NIPBL: variants seen among roughly 807,000 people sequenced by gnomAD.
NIPBL encodes NIPBL cohesin loading factor.
NIPBL carries 19 observed loss-of-function variants against 321.8 expected under a neutral mutation model. That is an observed-to-expected ratio of 0.06 (90% CI 0.04 to 0.09). NIPBL has a LOEUF of 0.09. Ranked by LOEUF, NIPBL falls within the 10% of genes least tolerant of loss-of-function variation. The probability of loss-of-function intolerance (pLI) is 1.00; values close to 1 mark genes in which losing one functional copy is unlikely to be tolerated. For synonymous variants in NIPBL, 1,106 were observed against 1,114.1 expected, an observed-to-expected ratio of 0.99 and a Z score of 0.14; for missense variants, 2,210 against 3,327.0, an observed-to-expected ratio of 0.66 and a Z score of 8.26.
At chr5:36,995,916 A>G (rs986876581) in intron 11 of NIPBL, 112 bp downstream of exon 11, 67 of 874,408 alleles carry the variant, frequency 7.7e-5, no homozygotes, top group Non-Finnish European at 1.8e-6. Context: ...TTAATTCTTA[A>G]TAACACAGTA....
intron 21 of NIPBL, 42 bp downstream of exon 21, chr5:37,010,267 A>C (rs778476094): frequency 7.1e-7 from 1 of 1,406,430 alleles, no homozygotes; most frequent in Non-Finnish European, 1.0e-6. Flanking sequence ...ACTTTTATTG[A>C]AGGAAATACC....
chr5:36,958,625 A>G (rs540426689), intron 4 of NIPBL, among the ~76,000 whole-genome samples: 1 of 152,310 alleles, frequency 6.6e-6, no homozygotes, highest in Non-Finnish European at 1.5e-5. Context: ...ATGGTTTTCT[A>G]GTAATTGATT....
chr5:37,017,583 T>A (rs1749136724), intron 24 of NIPBL, among the ~76,000 whole-genome samples: 1 of 151,304 alleles, frequency 6.6e-6, no homozygotes, highest in African/African-American at 2.4e-5. Flanking sequence ...AGAGTTTTCA[T>A]CTTGGGGGAA....
chr5:36,931,054 C>G (rs189811426), intron 1 of NIPBL, among the ~76,000 whole-genome samples: 2 of 152,226 alleles, frequency 1.3e-5, no homozygotes, highest in East Asian at 1.9e-4. Flanking sequence ...GAAATATTCT[C>G]TAGTTTATAA....
At chr5:36,922,878 T>G (rs1749054899) in intron 1 of NIPBL, among the ~76,000 whole-genome samples, 1 of 152,192 alleles carries the variant, frequency 6.6e-6, no homozygotes, top group South Asian at 2.1e-4. Flanking sequence ...GGTAACTGAT[T>G]TGAACTACAG....
intron 34 of NIPBL, among the ~76,000 whole-genome samples, chr5:37,042,899 G>GCACACACACACACA (rs70976273): frequency 2.1e-5 from 3 of 144,858 alleles, no homozygotes; most frequent in Non-Finnish European, 4.6e-5. Context: ...ACACACGCGC[G>GCACACACACACACA]CACACACACA....
At chr5:36,881,713 A>G (rs186093682) in intron 1 of NIPBL, among the ~76,000 whole-genome samples, 4 of 152,124 alleles carry the variant, frequency 2.6e-5, no homozygotes, top group Non-Finnish European at 4.4e-5. Context: ...ATACTTGCCC[A>G]GTCACTTAGT....
intron 29 of NIPBL, 130 bp downstream of exon 29, chr5:37,022,520 T>A: frequency 1.3e-6 from 1 of 777,878 alleles, no homozygotes; most frequent in South Asian, 2.1e-5. Flanking sequence ...ATTTATGAAC[T>A]ATTGCCACTT....
At chr5:36,922,505 A>G (rs1252383862) in intron 1 of NIPBL, among the ~76,000 whole-genome samples, 1 of 152,144 alleles carries the variant, frequency 6.6e-6, no homozygotes, top group Non-Finnish European at 1.5e-5. Flanking sequence ...ATTGTCGAGT[A>G]TTATACTTTT....
chr5:36,934,526 A>C (rs1561047249), intron 1 of NIPBL, among the ~76,000 whole-genome samples: 1 of 152,160 alleles, frequency 6.6e-6, no homozygotes, highest in Non-Finnish European at 1.5e-5. Context: ...TAACATAGAC[A>C]GTCCTTGATT....
At chr5:36,929,395 A>G (rs1165630056) in intron 1 of NIPBL, among the ~76,000 whole-genome samples, 1 of 151,972 alleles carries the variant, frequency 6.6e-6, no homozygotes, top group Non-Finnish European at 1.5e-5. Context: ...TTCTTTGCCC[A>G]TTTTCAAAGT....
chr5:36,998,741 T>C (rs1214034014), intron 11 of NIPBL, among the ~76,000 whole-genome samples: 1 of 152,098 alleles, frequency 6.6e-6, no homozygotes, highest in Admixed American at 6.6e-5. Flanking sequence ...AAAAAACATC[T>C]AAGGAATTAT....
chr5:36,941,846 A>G (rs1048541101), intron 1 of NIPBL, among the ~76,000 whole-genome samples: 2 of 152,202 alleles, frequency 1.3e-5, no homozygotes, highest in Admixed American at 6.5e-5. Flanking sequence ...CAGAAAGGAT[A>G]TAGTATTTGA....
At chr5:36,897,533 A>G (rs1326023680) in intron 1 of NIPBL, among the ~76,000 whole-genome samples, 2 of 152,148 alleles carry the variant, frequency 1.3e-5, no homozygotes. Flanking sequence ...GAAATTTCTT[A>G]TTTTCTCAAT....
chr5:37,020,789 C>G lies in NIPBL; in HGVS notation c.5240C>G (p.Thr1747Ser). The G allele has an allele frequency of 6.2e-7, 1 of 1,613,968 alleles. No homozygotes were observed. The highest frequency in any genetic ancestry group is 8.5e-7 in the Non-Finnish European group (1 of 1,179,854). The change falls in exon 27 of 47, where the codon ACT becomes AGT. Residue 1747 changes from threonine (T) to serine (S), a missense_variant. Thr to Ser is a moderately conservative substitution (Grantham distance 58). Coordinates refer to ENST00000282516, the MANE Select transcript of NIPBL (RefSeq NM_133433.4). ...QFSTLKMNSD[T>S]VDYDDACLIV... ...TTTTGTTGCAGGATGAACTCTGATA[C>G]TGTGGACTATGATGATGCTTGCTTG...
At chr5:36,991,592 G>GT (rs1745521411) in intron 10 of NIPBL, among the ~76,000 whole-genome samples, 1 of 151,924 alleles carries the variant, frequency 6.6e-6, no homozygotes, top group South Asian at 2.1e-4. Context: ...CTTACATAAT[G>GT]AGTAGTAAAT....
Position 37,006,396 on chromosome 5 carries a change from C to A in NIPBL, c.3895C>A (p.Leu1299Ile). Residue 1299 changes from leucine to isoleucine, a missense_variant, in exon 17 of 47, where the codon CTT becomes ATT. By Grantham distance (5) the Leu-to-Ile change is conservative. Around this residue, in one of 14 missense-constraint regions of NIPBL, gnomAD observed 381 missense variants for 642.3 expected, o/e 0.59. Transcript: ENST00000282516. ...AGAAGAAGAAAGGTTATGGAGAGACCTTATTATGGAGAGAGTTACAAAATC... is the reference window on the plus strand; with the variant it reads ...AGAAGAAGAAAGGTTATGGAGAGACATTATTATGGAGAGAGTTACAAAATC... ...TEEEERLWRD[L>I]IMERVTKSAD... 6.2e-7 allele frequency: 1 copy of A among 1,610,360 alleles called. No individual in the cohort carries two copies. Among genetic ancestry groups the A allele is most frequent in the South Asian group, 1.1e-5 (1 of 91,002 alleles).
At chr5:37,018,106 A>G (rs1749197667) in intron 24 of NIPBL, among the ~76,000 whole-genome samples, 2 of 152,148 alleles carry the variant, frequency 1.3e-5, no homozygotes, top group African/African-American at 2.4e-5. Context: ...ATTTCTAACA[A>G]AAGTACAAAT....
chr5:37,000,957 G>T, intron 13 of NIPBL, 32 bp from the exon 14 acceptor site: 1 of 1,590,856 alleles, frequency 6.3e-7, no homozygotes, highest in South Asian at 1.1e-5. Flanking sequence ...CTTGTAATGT[G>T]AGAATAATGA....
Sources: gnomAD v4.1 joint callset for allele counts (sites outside exome capture counted in the v4.1 genomes callset) on GRCh38, gnomAD v4.1.1 for gene constraint, gnomAD v4.1.1 regional missense constraint, MANE v1.5 for transcripts, NCBI Gene and HGNC (gene_info 2026-07-23, HGNC 2026-07-21) for gene names.